The following ERICH6B variants were observed in gnomAD, a reference collection of about 807,000 sequenced individuals.
ERICH6B encodes glutamate-rich protein 6B.
In ERICH6B, 69 loss-of-function variants were observed where a neutral mutation model predicts 80.0. That is an observed-to-expected ratio of 0.86 (90% confidence interval 0.71 to 1.05). ERICH6B has a LOEUF of 1.05. ERICH6B is among the 50% of genes least tolerant of loss of function. The pLI is 0.00. For missense variants in ERICH6B, 754 were observed against 796.1 expected (o/e 0.95, Z 0.64); for synonymous variants, 283 against 291.9 (o/e 0.97, Z 0.31).
At chr13:45,556,174 C>T (rs1415251385) in intron 11 of ERICH6B, among the ~76,000 whole-genome samples, 1 of 151,838 alleles carries the variant, frequency 6.6e-6, no homozygotes, top group Non-Finnish European at 1.5e-5. Context: ...CCAAATAGTA[C>T]TTCTGTGTAT....
At chr13:45,550,368 A>G in intron 11 of ERICH6B, 52 bp from the exon 12 acceptor site, 1 of 1,433,006 alleles carries the variant, frequency 7.0e-7, no homozygotes, top group East Asian at 2.5e-5. Context: ...ATGGGTACCA[A>G]CTGTCCTACT....
chr13:45,583,542 C>A (rs1273710494), intron 5 of ERICH6B, among the ~76,000 whole-genome samples: 1 of 152,188 alleles, frequency 6.6e-6, no homozygotes, highest in African/African-American at 2.4e-5. Context: ...CAATCCTCTT[C>A]CCCATCTGAT....
At chr13:45,589,862 G>A (rs1358961635) in intron 4 of ERICH6B, among the ~76,000 whole-genome samples, 1 of 152,204 alleles carries the variant, frequency 6.6e-6, no homozygotes, top group East Asian at 1.9e-4. Flanking sequence ...TGCCCCTGGA[G>A]GTGTGCAGTG....
chr13:45,560,925 T>G (rs1175647859), intron 11 of ERICH6B, among the ~76,000 whole-genome samples: 2 of 152,176 alleles, frequency 1.3e-5, no homozygotes, highest in African/African-American at 4.8e-5. Flanking sequence ...ATCTTTTTCT[T>G]TTTAGAGGCG....
At chr13:45,562,550 C>A (rs1054755573) in intron 10 of ERICH6B, among the ~76,000 whole-genome samples, 3 of 152,096 alleles carry the variant, frequency 2.0e-5, no homozygotes, top group Non-Finnish European at 4.4e-5. Flanking sequence ...GTGGTATCAG[C>A]CAACATGCTC....
intron 4 of ERICH6B, among the ~76,000 whole-genome samples, chr13:45,588,727 T>C (rs1876032539): frequency 6.6e-6 from 1 of 152,204 alleles, no homozygotes; most frequent in Non-Finnish European, 1.5e-5. Context: ...CCAGACACTG[T>C]CTGTCGTGCC....
chr13:45,603,117 G>C (rs566212194), intron 2 of ERICH6B, among the ~76,000 whole-genome samples: 108 of 152,236 alleles, frequency 7.1e-4, no homozygotes, highest in African/African-American at 2.5e-3. Flanking sequence ...AAGGTCCTAG[G>C]GCAGGAGAAG....
intron 5 of ERICH6B, among the ~76,000 whole-genome samples, chr13:45,585,742 C>G (rs965419318): frequency 5.9e-5 from 9 of 152,180 alleles, no homozygotes; most frequent in Admixed American, 5.9e-4. Flanking sequence ...TAAGGAACTC[C>G]AAGACATAGC....
chr13:45,599,927 C>A (rs1224969403), intron 2 of ERICH6B, among the ~76,000 whole-genome samples: 1 of 152,150 alleles, frequency 6.6e-6, no homozygotes, highest in East Asian at 1.9e-4. Context: ...AGTTGGCTTG[C>A]CCTTTTATCC....
At chr13:45,583,033 C>T (rs780973980) in intron 5 of ERICH6B, among the ~76,000 whole-genome samples, 10 of 152,200 alleles carry the variant, frequency 6.6e-5, no homozygotes, top group African/African-American at 1.4e-4. Context: ...TCTCTCAGTA[C>T]GTACAAATTC....
intron 1 of ERICH6B, among the ~76,000 whole-genome samples, chr13:45,612,007 C>G (rs1200014187): frequency 6.6e-6 from 1 of 152,198 alleles, no homozygotes; most frequent in Non-Finnish European, 1.5e-5. Context: ...TGTTCTTTAT[C>G]TGTTTTTTCT....
At chr13:45,570,343 A>G (rs1012728524) in intron 8 of ERICH6B, among the ~76,000 whole-genome samples, 2 of 152,182 alleles carry the variant, frequency 1.3e-5, no homozygotes, top group East Asian at 1.9e-4. Context: ...CACACCTGTA[A>G]TCCCAGCAAT....
At chr13:45,564,485 A>G (rs889343587) in intron 9 of ERICH6B, among the ~76,000 whole-genome samples, 2 of 152,364 alleles carry the variant, frequency 1.3e-5, no homozygotes, top group African/African-American at 2.4e-5. Flanking sequence ...GGCCTTTGCC[A>G]TTGCAGATTT....
rs1876369356 is a variant in ERICH6B at position 45,596,393 on chromosome 13, T to C, written c.613A>G (p.Asn205Asp). 6.4e-7 allele frequency: 1 copy of C among 1,550,872 alleles called. No homozygotes were observed. The highest frequency in any genetic ancestry group is 8.7e-7 in the Non-Finnish European group (1 of 1,146,744). ...EKEENLDGKE[N>D]LYKKYLKEPK... The stretch of plus-strand genomic sequence containing the variant: ...CCTTTCAGATACTTTTTATACAGAT[T>C]TTCTTTTCCATCCAGATTCTCTTCC... Residue 205 changes from asparagine to aspartate, a missense_variant, in exon 3 of 15, where the codon AAT (asparagine) becomes GAT (aspartate). Transcript: ENST00000298738.
Position 45,561,542 on chromosome 13 carries a change from A to ACGATTG in ERICH6B, c.1250-22_1250-17dup, listed in dbSNP as rs1874683114. 6.4e-7 allele frequency: 1 copy of ACGATTG among 1,550,400 alleles called. No homozygotes were observed. The highest frequency in any genetic ancestry group is 2.4e-5 in the East Asian group (1 of 40,912). On this transcript the variant is annotated splice_polypyrimidine_tract_variant and intron_variant, in intron 10 of 14. Transcript: ENST00000298738. The stretch of plus-strand genomic sequence containing the variant: ...AACTTTTGAGCTGCCATTCAATTCA[A>ACGATTG]CGATTGCATTGAATAAGATTTTGGT...
At chr13:45,542,719 C>A (rs567446964) in intron 14 of ERICH6B, among the ~76,000 whole-genome samples, 56 of 152,368 alleles carry the variant, frequency 3.7e-4, no homozygotes, top group Non-Finnish European at 7.3e-5. Flanking sequence ...CTGGCCTCCT[C>A]TTCACTGGAT....
At chr13:45,566,623 TG>T (rs1188390542) in intron 9 of ERICH6B, among the ~76,000 whole-genome samples, 1 of 152,200 alleles carries the variant, frequency 6.6e-6, no homozygotes, top group African/African-American at 2.4e-5. Context: ...AGCCTGTGAG[TG>T]CACAGAAGTC....
intron 7 of ERICH6B, among the ~76,000 whole-genome samples, chr13:45,576,271 C>T (rs539767858): frequency 7.9e-5 from 12 of 152,266 alleles, no homozygotes; most frequent in South Asian, 4.1e-4. Flanking sequence ...ACAGACTTGC[C>T]GCGTATGAGG....
chr13:45,606,521 ATATATATATATATATATATATATATAT>A (rs1566307713), intron 2 of ERICH6B, among the ~76,000 whole-genome samples: 6 of 29,478 alleles, frequency 2.0e-4, no homozygotes, highest in Admixed American at 5.0e-4. Context: ...ATATATATAT[ATATATATATATATATATATATATATAT>A]TTTTTTTTTT....
Sources: gnomAD v4.1 joint callset for allele counts (sites outside exome capture counted in the v4.1 genomes callset) on GRCh38, gnomAD v4.1.1 for gene constraint, MANE v1.5 for transcripts, NCBI Gene and HGNC (gene_info 2026-07-23, HGNC 2026-07-21) for gene names.